Variants in RNF144A observed in about 807,000 individuals in gnomAD.
The protein encoded by RNF144A is E3 ubiquitin-protein ligase RNF144A.
In RNF144A, 11 loss-of-function variants were observed where a neutral mutation model predicts 38.7. The ratio of observed to expected loss-of-function variants is 0.28; its 90% CI spans 0.18 to 0.47. The LOEUF (loss-of-function observed/expected upper bound fraction) is 0.47. Among genes scored for constraint, RNF144A ranks in the 20% least tolerant of loss-of-function variants. The pLI, the probability that RNF144A is intolerant of heterozygous loss-of-function variation, is 0.99. For missense variants in RNF144A, 316 were observed against 377.2 expected, an observed-to-expected ratio of 0.84 and a Z score of 1.34; for synonymous variants, 149 against 143.9, an observed-to-expected ratio of 1.04 and a Z score of -0.25.
At chr2:7,022,163 G>A (rs1199805008) in intron 6 of RNF144A, among the ~76,000 whole-genome samples, 2 of 152,218 alleles carry the variant, frequency 1.3e-5, no homozygotes, top group East Asian at 1.9e-4. Flanking sequence ...TTGTCCCCTG[G>A]AACTGAGGCT....
intron 2 of RNF144A, among the ~76,000 whole-genome samples, chr2:6,995,554 C>G (rs988136130): frequency 6.6e-6 from 1 of 152,186 alleles, no homozygotes; most frequent in African/African-American, 2.4e-5. Context: ...CAGTACAGCC[C>G]TCAGTCTGTG....
chr2:6,956,613 G>A (rs1667017075), intron 2 of RNF144A, among the ~76,000 whole-genome samples: 1 of 152,096 alleles, frequency 6.6e-6, no homozygotes, highest in East Asian at 1.9e-4. Context: ...GGGTCTCTTG[G>A]ATCTTAGACC....
chr2:6,919,063 G>A (rs1318547293), intron 1 of RNF144A, among the ~76,000 whole-genome samples: 3 of 152,246 alleles, frequency 2.0e-5, no homozygotes, highest in Non-Finnish European at 4.4e-5. Context: ...CAGGTAGAAA[G>A]TAAGTTGGTG....
At chr2:6,919,416 T>G (rs1664388390) in intron 1 of RNF144A, among the ~76,000 whole-genome samples, 1 of 152,214 alleles carries the variant, frequency 6.6e-6, no homozygotes, top group Non-Finnish European at 1.5e-5. Flanking sequence ...TTTTTATTTT[T>G]AAAGCGTGCA....
chr2:6,982,553 C>T (rs1169914184), intron 2 of RNF144A, among the ~76,000 whole-genome samples: 1 of 152,206 alleles, frequency 6.6e-6, no homozygotes, highest in African/African-American at 2.4e-5. Flanking sequence ...AAGACTGACT[C>T]CCTGATACAG....
intron 8 of RNF144A, among the ~76,000 whole-genome samples, chr2:7,036,992 A>C (rs1572457861): frequency 6.6e-6 from 1 of 152,234 alleles, no homozygotes; most frequent in East Asian, 1.9e-4. Flanking sequence ...CTTCATGGGA[A>C]GGGGTAACTG....
chr2:7,020,624 C>T lies in RNF144A; in HGVS notation c.453C>T (p.His151=), dbSNP rs369865982. The change falls in exon 6 of 9, where the codon CAC becomes CAT. Residue 151 remains histidine (H), a synonymous_variant. Transcript: ENST00000320892. The stretch of plus-strand genomic sequence containing the variant: ...GCTCCACCTGCAAAGCCAGCTGGCA[C>T]CCTGGCCAGGGCTGCCCGGAGACCA... The part of the protein sequence containing the change: ...EFCSTCKASW[H]PGQGCPETMP... 49 of 1,609,562 alleles carry T rather than the reference C, an allele frequency of 3.0e-5. 1 individual carries two copies. In the South Asian group the frequency reaches 4.6e-4, roughly 15 times the overall value.
intron 2 of RNF144A, among the ~76,000 whole-genome samples, chr2:6,979,439 G>A (rs1312047305): frequency 6.6e-6 from 1 of 152,190 alleles, no homozygotes; most frequent in Non-Finnish European, 1.5e-5. Context: ...GTCTGTCATT[G>A]CCATTGTTAA....
At position 6,986,437 on chromosome 2, in the gene RNF144A, C is replaced by T. The variant is rs576979084; in HGVS notation, c.-11-10479C>T. Reference sequence around the variant, plus strand: ...GACTTGAAGGAGACAGCCATTGTGCCGGGCCTGCCCCCTTGTTGAGCTGGC... The same window carrying T: ...GACTTGAAGGAGACAGCCATTGTGCTGGGCCTGCCCCCTTGTTGAGCTGGC... On this transcript the variant is annotated intron_variant, in intron 2 of 8. Coordinates refer to ENST00000320892, the MANE Select transcript of RNF144A (RefSeq NM_014746.6). 5.9e-5 allele frequency among the ~76,000 whole-genome samples: 9 copies of T among 152,138 alleles called. No individual in the cohort carries two copies. In the South Asian group the frequency reaches 1.2e-3, roughly 21 times the overall value.
chr2:6,983,905 C>T (rs73914448), intron 2 of RNF144A, among the ~76,000 whole-genome samples: 327 of 152,288 alleles, frequency 2.1e-3, no homozygotes, highest in African/African-American at 7.5e-3. Flanking sequence ...TCTCCAGCAC[C>T]GATCTTGAAA....
chr2:7,004,500 G>A (rs1670315986), intron 3 of RNF144A, among the ~76,000 whole-genome samples: 1 of 152,196 alleles, frequency 6.6e-6, no homozygotes, highest in African/African-American at 2.4e-5. Flanking sequence ...AAGATGGGCA[G>A]AGGAATTTCC....
intron 2 of RNF144A, among the ~76,000 whole-genome samples, chr2:6,995,869 A>C (rs931138989): frequency 7.9e-5 from 12 of 152,166 alleles, no homozygotes; most frequent in African/African-American, 2.2e-4. Flanking sequence ...ACTCAGTGTT[A>C]ACCACCACAG....
At chr2:7,003,963 C>T (rs922985490) in intron 3 of RNF144A, among the ~76,000 whole-genome samples, 3 of 152,230 alleles carry the variant, frequency 2.0e-5, no homozygotes, top group Non-Finnish European at 2.9e-5. Context: ...CCATGAGTGT[C>T]GCTGGTTCTC....
chr2:7,028,965 G>A (rs1305461079), intron 7 of RNF144A, among the ~76,000 whole-genome samples: 1 of 152,174 alleles, frequency 6.6e-6, no homozygotes, highest in African/African-American at 2.4e-5. Flanking sequence ...CAGGAGGCTT[G>A]ACCCCAAAAA....
In RNF144A at chr2:6,988,085, G is replaced by A. The variant is rs150629959; in HGVS notation, c.-11-8831G>A. Among the ~76,000 whole-genome samples, 871 of 152,188 alleles carry A rather than the reference G, an allele frequency of 5.7e-3. 7 individuals are homozygous for A. The highest frequency in any genetic ancestry group is 0.016 in the African/African-American group (652 of 41,502). On this transcript the variant is annotated intron_variant, in intron 2 of 8. Transcript: ENST00000320892. Reference sequence around the variant, plus strand: ...CAGATTTTTCGTGTCAAAGTGTTTCGTTTAAAAATAAACTTTTATTTTAGG... The same window carrying A: ...CAGATTTTTCGTGTCAAAGTGTTTCATTTAAAAATAAACTTTTATTTTAGG...
intron 6 of RNF144A, chr2:7,062,950 A>T (rs551463076): frequency 6.6e-6 from 1 of 152,356 alleles, no homozygotes; most frequent in Non-Finnish European, 1.5e-5. Context: ...ACAAAACAAT[A>T]AAAATTTATT....
chr2:6,921,552 G>A (rs1440108067), intron 1 of RNF144A, among the ~76,000 whole-genome samples: 1 of 152,174 alleles, frequency 6.6e-6, no homozygotes, highest in Non-Finnish European at 1.5e-5. Flanking sequence ...GTCCAACATC[G>A]CACACACGTC....
chr2:7,023,076 G>T (rs963888567), intron 6 of RNF144A, among the ~76,000 whole-genome samples: 1 of 152,146 alleles, frequency 6.6e-6, no homozygotes, highest in Non-Finnish European at 1.5e-5. Context: ...GATGCTATTA[G>T]CCTTATTCAT....
chr2:7,071,654 C>T (rs1167391856), downstream of RNF144A, among the ~76,000 whole-genome samples: 3 of 152,202 alleles, frequency 2.0e-5, no homozygotes, highest in Non-Finnish European at 4.4e-5. Context: ...TAAATCTCCT[C>T]CCTACACTGT....
Sources: gnomAD v4.1 joint callset for allele counts (sites outside exome capture counted in the v4.1 genomes callset) on GRCh38, gnomAD v4.1.1 for gene constraint, MANE v1.5 for transcripts, NCBI Gene and HGNC (gene_info 2026-07-23, HGNC 2026-07-21) for gene names.